The following ADARB2 variants were observed in gnomAD, a reference collection of about 807,000 sequenced individuals.
ADARB2 encodes adenosine deaminase RNA specific B2 (inactive).
A neutral mutation model predicts 62.2 loss-of-function variants in ADARB2; 25 were observed. The ratio of observed to expected loss-of-function variants is 0.40; its 90% CI spans 0.29 to 0.56. The LOEUF is 0.56. ADARB2 is among the 20% of genes least tolerant of loss of function. The probability of loss-of-function intolerance (pLI) is 0.43; values close to 1 mark genes in which losing one functional copy is unlikely to be tolerated. For missense variants in ADARB2, 1,071 were observed against 1,077.4 expected (o/e 0.99, Z 0.08); for synonymous variants, 572 against 500.8 (o/e 1.14, Z -1.90).
intron 6 of ADARB2, among the ~76,000 whole-genome samples, chr10:1,222,494 C>G (rs1341092581): frequency 2.0e-5 from 3 of 150,404 alleles, no homozygotes; most frequent in African/African-American, 7.6e-5. Flanking sequence ...CTTGCCCATG[C>G]CAATGTCCTG....
At chr10:1,736,992 C>T (rs1828632673) in intron 1 of ADARB2, 59 bp downstream of exon 1, 10 of 1,555,274 alleles carry the variant, frequency 6.4e-6, no homozygotes, top group Non-Finnish European at 8.8e-6. Context: ...CATGAGAGGC[C>T]GGGGTGGAGA....
intron 7 of ADARB2, 126 bp downstream of exon 7, chr10:1,216,825 C>G (rs565549578): frequency 7.9e-7 from 1 of 1,266,994 alleles, no homozygotes; most frequent in Non-Finnish European, 1.1e-6. Flanking sequence ...ACGGCTCAGG[C>G]ACAGGGCCCT....
intron 2 of ADARB2, among the ~76,000 whole-genome samples, chr10:1,376,640 A>G (rs1257320659): frequency 2.0e-5 from 3 of 152,122 alleles, no homozygotes; most frequent in Non-Finnish European, 4.4e-5. Context: ...CTTGGCCTCT[A>G]GTTGCTACAG....
chr10:1,441,574 G>A (rs972647829), intron 1 of ADARB2, among the ~76,000 whole-genome samples: 1 of 152,148 alleles, frequency 6.6e-6, no homozygotes, highest in African/African-American at 2.4e-5. Flanking sequence ...TTCCTATGAA[G>A]TAGGTATTAC....
At position 1,233,971 on chromosome 10, in the gene ADARB2, TTTTTTCC is replaced by T. The variant is rs1160273912; in HGVS notation, c.1362-133_1362-127del. The T allele has an allele frequency of 9.8e-4, 926 of 941,192 alleles. 12 individuals carry two copies. The African/African-American group carries it at 0.015, about 15-fold the overall frequency. The allele number at this position is 941,192 out of a possible 1,614,324, so 58.3% of individuals were successfully genotyped here. On this transcript the variant is annotated intron_variant, in intron 5 of 9. Transcript: ENST00000381312. ...AGTTTTCCTTTATATTTTTCCTTTT[TTTTTTCC>T]TTTTTTTTTTGAGACGGAGTCTTGT...
intron 1 of ADARB2, among the ~76,000 whole-genome samples, chr10:1,538,525 C>A (rs569833858): frequency 6.6e-6 from 1 of 152,330 alleles, no homozygotes; most frequent in Non-Finnish European, 1.5e-5. Context: ...GAGGATCACG[C>A]GGCCCCCAGA....
chr10:1,602,942 A>T (rs925360146), intron 1 of ADARB2, among the ~76,000 whole-genome samples: 1 of 146,502 alleles, frequency 6.8e-6, no homozygotes, highest in Non-Finnish European at 1.5e-5. Flanking sequence ...CATCATGCGC[A>T]CACCTGTACA....
At chr10:1,206,582 C>T (rs1488636153) in intron 7 of ADARB2, among the ~76,000 whole-genome samples, 1 of 152,186 alleles carries the variant, frequency 6.6e-6, no homozygotes, top group East Asian at 1.9e-4. Context: ...CCTTGTGGGC[C>T]TCTTGGTTCT....
At chr10:1,230,798 A>G (rs1830797502) in intron 6 of ADARB2, among the ~76,000 whole-genome samples, 1 of 152,116 alleles carries the variant, frequency 6.6e-6, no homozygotes, top group African/African-American at 2.4e-5. Context: ...GAGGAGTGGC[A>G]CCAGCCCAAT....
chr10:1,589,383 C>T (rs1833219971), intron 1 of ADARB2, among the ~76,000 whole-genome samples: 1 of 152,042 alleles, frequency 6.6e-6, no homozygotes, highest in Non-Finnish European at 1.5e-5. Context: ...TTGGGGCATC[C>T]ATGGTCAAGG....
intron 1 of ADARB2, among the ~76,000 whole-genome samples, chr10:1,640,256 T>C (rs1208664084): frequency 6.6e-6 from 1 of 152,210 alleles, no homozygotes; most frequent in Non-Finnish European, 1.5e-5. Context: ...ACTCCTTAAG[T>C]GGAAGGGGTT....
At chr10:1,224,803 T>A (rs2131761955) in intron 6 of ADARB2, among the ~76,000 whole-genome samples, 1 of 152,340 alleles carries the variant, frequency 6.6e-6, no homozygotes, top group Admixed American at 6.5e-5. Context: ...ATTTCGGTTC[T>A]TTTACATTTG....
intron 1 of ADARB2, among the ~76,000 whole-genome samples, chr10:1,645,364 T>C (rs552921007): frequency 2.0e-5 from 3 of 152,332 alleles, no homozygotes; most frequent in African/African-American, 7.2e-5. Context: ...AGGGTAGAGA[T>C]GCATGCCAGC....
chr10:1,560,698 C>G (rs1832774829), intron 1 of ADARB2, among the ~76,000 whole-genome samples: 1 of 145,690 alleles, frequency 6.9e-6, no homozygotes, highest in Non-Finnish European at 1.6e-5. Flanking sequence ...AAAAGCCACA[C>G]TCTCGCCCAG....
In ADARB2 at chr10:1,737,476, A is replaced by T. The variant is rs1015471954; in HGVS notation, c.-326T>A. On this transcript the variant is annotated 5_prime_UTR_variant, in exon 1 of 10. Coordinates refer to ENST00000381312, the MANE Select transcript of ADARB2 (RefSeq NM_018702.4). ...GCCTCCTGCTCTGGGCTCCCAGCGC[A>T]GGGAGGCTACTTTTGCGCCTCTGCT... is the stretch of plus-strand genomic sequence containing the variant. 2.1e-5 allele frequency: 7 copies of T among 338,142 alleles called. No homozygotes were observed. Among genetic ancestry groups the T allele is most frequent in the African/African-American group, 6.4e-5 (3 of 47,242 alleles). 20.9% of individuals were successfully genotyped at this position (338,142 alleles called of 1,614,324 possible).
intron 3 of ADARB2, among the ~76,000 whole-genome samples, chr10:1,326,421 A>T (rs1831846729): frequency 6.6e-6 from 1 of 152,202 alleles, no homozygotes. Context: ...GAGAAGGGTG[A>T]TCTGGCAGGA....
At chr10:1,494,394 G>A in intron 1 of ADARB2, among the ~76,000 whole-genome samples, 1 of 152,118 alleles carries the variant, frequency 6.6e-6, no homozygotes, top group Non-Finnish European at 1.5e-5. Context: ...GATGGTAAAT[G>A]GAAATGGTGT....
intron 1 of ADARB2, among the ~76,000 whole-genome samples, chr10:1,629,984 C>T (rs558655679): frequency 6.6e-6 from 1 of 152,044 alleles, no homozygotes; most frequent in African/African-American, 2.4e-5. Flanking sequence ...CACCATCTGC[C>T]GAGCCCTTGC....
chr10:1,643,646 A>G (rs1289318677), intron 1 of ADARB2, among the ~76,000 whole-genome samples: 5 of 152,248 alleles, frequency 3.3e-5, no homozygotes, highest in Non-Finnish European at 7.3e-5. Context: ...AGCGCGTCAG[A>G]ACCACGGACA....
Sources: allele counts gnomAD v4.1 joint callset (sites outside exome capture counted in the v4.1 genomes callset), GRCh38; gene constraint gnomAD v4.1.1; transcripts MANE v1.5; gene names NCBI Gene and HGNC (gene_info 2026-07-23, HGNC 2026-07-21).